The following FHL3 variants were observed in gnomAD, a reference collection of about 807,000 sequenced individuals.
The protein encoded by FHL3 is four and a half LIM domains protein 3.
A neutral mutation model predicts 34.3 loss-of-function variants in FHL3; 21 were observed. The observed-to-expected ratio is 0.61, with a 90% CI of 0.43 to 0.88. The LOEUF (loss-of-function observed/expected upper bound fraction) is 0.88, where lower values mean the gene tolerates loss of function less well. Among genes scored for constraint, FHL3 ranks in the 40% least tolerant of loss-of-function variants. The pLI, the probability that FHL3 is intolerant of heterozygous loss-of-function variation, is 0.00. For synonymous variants in FHL3, 137 were observed against 144.6 expected (o/e 0.95, Z 0.38); for missense variants, 333 against 373.7 (o/e 0.89, Z 0.90).
chr1:37,998,480 A>AC (rs963972183), intron 3 of FHL3, among the ~76,000 whole-genome samples: 3 of 152,120 alleles, frequency 2.0e-5, no homozygotes, highest in African/African-American at 7.2e-5. Flanking sequence ...CTCACATGGG[A>AC]CCCCACATGT....
intron 1 of FHL3, among the ~76,000 whole-genome samples, chr1:37,999,933 G>A (rs1235078334): frequency 6.6e-6 from 1 of 152,354 alleles, no homozygotes; most frequent in East Asian, 1.9e-4. Flanking sequence ...GGAATGGGCT[G>A]TGCCTGCCCC....
chr1:38,000,127 G>C (rs780146521), intron 1 of FHL3, among the ~76,000 whole-genome samples: 11 of 152,228 alleles, frequency 7.2e-5, no homozygotes, highest in Non-Finnish European at 1.2e-4. Context: ...GTCTTCCCTA[G>C]CTAGACCCTC....
In FHL3 at chr1:37,997,786, C is replaced by T. The variant is rs774905879; in HGVS notation, c.586G>A (p.Ala196Thr). 2 of 1,614,134 alleles carry T rather than the reference C, an allele frequency of 1.2e-6. No individual in the cohort carries two copies. Among genetic ancestry groups the T allele is most frequent in the South Asian group, 2.2e-5 (2 of 91,086 alleles). The change falls in exon 5 of 6, where the codon GCA becomes ACA. Residue 196 changes from alanine (A) to threonine (T), a missense_variant. Transcript: ENST00000373016. This position sits in a 1 kb window ranked among gnomAD's most constrained non-coding sequence, Gnocchi z 4.3. The stretch of plus-strand genomic sequence containing the variant: ...TCCCGGGAGGTGAACTGCTGCCCTG[C>T]CAGGGGCGTCTGGCATCCGGTACAG... Reference protein sequence around the residue: ...LVCTGCQTPLAGQQFTSRDED... With the variant: ...LVCTGCQTPLTGQQFTSRDED...
chr1:38,000,970 AG>A (rs2148731220), intron 1 of FHL3, among the ~76,000 whole-genome samples: 1 of 152,284 alleles, frequency 6.6e-6, no homozygotes, highest in South Asian at 2.1e-4. Flanking sequence ...CTCAAGCTGA[AG>A]GAGAAGTCCT....
Position 38,000,774 on chromosome 1 carries a change from T to C in FHL3, c.-20-1342A>G, listed in dbSNP as rs1646585888. Among the ~76,000 whole-genome samples the C allele has an allele frequency of 2.0e-5, 3 of 152,030 alleles. No homozygotes were observed. The South Asian group carries it at 6.2e-4, about 32-fold the overall frequency. On this transcript the variant is annotated intron_variant, in intron 1 of 5. Transcript: ENST00000373016. ...GAGCTCCCACCCCTGCTCTCCTCCATCATGAAGGCTGCTCTCTAAGGGCTG... is the reference window on the plus strand; with the variant it reads ...GAGCTCCCACCCCTGCTCTCCTCCACCATGAAGGCTGCTCTCTAAGGGCTG...
chr1:38,001,578 TGTCTCTGCCCATACCCC>T (rs1557763774), intron 1 of FHL3, among the ~76,000 whole-genome samples: 12 of 152,256 alleles, frequency 7.9e-5, no homozygotes, highest in Non-Finnish European at 1.5e-4. Flanking sequence ...AAGGCCCACC[TGTCTCTGCCCATACCCC>T]TCTCCCTGCC....
Position 37,999,556 on chromosome 1 carries a change from AG to A in FHL3, c.-20-125del, listed in dbSNP as rs1357646841. ...GGCATAGGAAATGCCAGTTCAGAGT[AG>A]GTGGGGATGGGGAAGGGGTGCTTCT... On this transcript the variant is annotated intron_variant, in intron 1 of 5. Transcript: ENST00000373016. The A allele has an allele frequency of 3.5e-5, 30 of 855,082 alleles. No homozygotes were observed. In the African/African-American group the frequency reaches 4.9e-4, roughly 14 times the overall value. 53.0% of individuals were successfully genotyped at this position (855,082 alleles called of 1,614,324 possible). A position where few individuals can be genotyped will look rare whatever the true frequency, so the allele number is the denominator to read the frequency against.
rs1646541409 is a variant in FHL3, at chr1:37,997,132, A to G, written c.*273T>C. ...GAGCCCTGATTTGGGGAGAGGACTC[A>G]GTCTGGGAACCCAGACTGCAGGGGA... On this transcript the variant is annotated 3_prime_UTR_variant, in exon 6 of 6. Coordinates refer to ENST00000373016, the MANE Select transcript of FHL3 (RefSeq NM_004468.5). This position sits in a 1 kb window ranked among gnomAD's most constrained non-coding sequence, Gnocchi z 4.3. 4.9e-6 allele frequency: 2 copies of G among 407,270 alleles called. No homozygotes were observed. Among genetic ancestry groups the G allele is most frequent in the Admixed American group, 4.2e-5 (1 of 23,792 alleles). 25.2% of individuals were successfully genotyped at this position (407,270 alleles called of 1,614,324 possible).
intron 1 of FHL3, among the ~76,000 whole-genome samples, chr1:38,003,497 G>A (rs929931579): frequency 2.0e-5 from 3 of 152,222 alleles, no homozygotes; most frequent in Non-Finnish European, 2.9e-5. Context: ...CACCAGTGGG[G>A]AAAGTGGTCG....
intron 1 of FHL3, among the ~76,000 whole-genome samples, chr1:38,003,507 G>A (rs561549458): frequency 1.2e-4 from 18 of 152,326 alleles, no homozygotes; most frequent in South Asian, 6.2e-4. Context: ...GAAAGTGGTC[G>A]CTTCAGTCCG....
chr1:37,998,254 G>T, intron 3 of FHL3, 122 bp from the exon 4 acceptor site: 1 of 827,406 alleles, frequency 1.2e-6, no homozygotes, highest in Non-Finnish European at 1.9e-6. Context: ...CCGTGCACAT[G>T]CAGCAAGAAC....
intron 1 of FHL3, among the ~76,000 whole-genome samples, chr1:38,001,346 G>A (rs927343936): frequency 5.3e-5 from 8 of 152,358 alleles, no homozygotes; most frequent in Admixed American, 3.9e-4. Flanking sequence ...GTCCACAGGG[G>A]GTGCCTGGGC....
Position 37,998,141 on chromosome 1 carries a change from AAC to A in FHL3, c.332-11_332-10del. On this transcript the variant is annotated splice_polypyrimidine_tract_variant and intron_variant, in intron 3 of 5. Coordinates refer to ENST00000373016, the MANE Select transcript of FHL3 (RefSeq NM_004468.5). ...TTCCAGCTTCCGGGACCCTGTGGGGAACAGGGGTCCCATTTAGAGGTTGTGTC... is the reference window on the plus strand; with the variant it reads ...TTCCAGCTTCCGGGACCCTGTGGGGAAGGGGTCCCATTTAGAGGTTGTGTC... 1 of 1,613,110 alleles carries A rather than the reference AAC, an allele frequency of 6.2e-7. No homozygotes were observed. Among genetic ancestry groups the A allele is most frequent in the South Asian group, 1.1e-5 (1 of 91,020 alleles).
Position 37,998,204 on chromosome 1 carries a change from A to G in FHL3, c.332-72T>C, listed in dbSNP as rs535892413. On this transcript the variant is annotated intron_variant, in intron 3 of 5. Coordinates refer to ENST00000373016, the MANE Select transcript of FHL3 (RefSeq NM_004468.5). ...GAGGGCCACCCTCTGTAACTTCCCC[A>G]GGAGTCTCCACTCCTCTCTCAGCGT... 2.4e-5 allele frequency: 33 copies of G among 1,398,746 alleles called. No individual in the cohort carries two copies. The East Asian group carries it at 7.1e-4, about 30-fold the overall frequency. 86.6% of individuals were successfully genotyped at this position (1,398,746 alleles called of 1,614,324 possible). A position where few individuals can be genotyped will look rare whatever the true frequency, so the allele number is the denominator to read the frequency against.
At position 38,004,851 on chromosome 1, in the gene FHL3, T is replaced by C. The variant is rs115560507; in HGVS notation, c.-21+506A>G. Reference sequence around the variant, plus strand: ...GCCCGGGGAAGGGCCCTAGGGAATGTGTTCGCTGGGGTCCCACGTATGCTT... The same window carrying C: ...GCCCGGGGAAGGGCCCTAGGGAATGCGTTCGCTGGGGTCCCACGTATGCTT... On this transcript the variant is annotated intron_variant, in intron 1 of 5. Transcript: ENST00000373016. Among the ~76,000 whole-genome samples, 1,312 of 152,252 alleles carry C rather than the reference T, an allele frequency of 8.6e-3. 20 individuals carry two copies. Among genetic ancestry groups the C allele is most frequent in the African/African-American group, 0.03 (1,242 of 41,546 alleles).
chr1:38,002,617 T>A (rs1250018881), intron 1 of FHL3, among the ~76,000 whole-genome samples: 1 of 145,722 alleles, frequency 6.9e-6, no homozygotes, highest in Non-Finnish European at 1.5e-5. Flanking sequence ...CTCGGCTCAC[T>A]GCAATCTCCA....
intron 1 of FHL3, among the ~76,000 whole-genome samples, chr1:37,999,729 T>A (rs1031189970): frequency 2.6e-5 from 4 of 152,154 alleles, no homozygotes; most frequent in African/African-American, 9.7e-5. Flanking sequence ...CAGTGACTCA[T>A]TTCCTGTCCC....
Position 37,999,273 on chromosome 1 carries a change from A to T in FHL3, c.140T>A (p.Ile47Asn). Residue 47 changes from isoleucine to asparagine, a missense_variant, in exon 2 of 6, where the codon ATC becomes AAC. By Grantham distance (149) the Ile-to-Asn change is moderately radical (BLOSUM62 -3). Coordinates refer to ENST00000373016, the MANE Select transcript of FHL3 (RefSeq NM_004468.5). ...TCTCCTTACCCTCGAGTCATGCCCG[A>T]TAAGCTGCTGGCACTCAGCACAGGT... ...ANTCAECQQL[I>N]GHDSRELFYE... The T allele has an allele frequency of 6.2e-7, 1 of 1,614,154 alleles. No homozygotes were observed. The highest frequency in any genetic ancestry group is 8.5e-7 in the Non-Finnish European group (1 of 1,180,026).
At chr1:37,999,466 C>A (rs1419552514) in intron 1 of FHL3, 34 bp from the exon 2 acceptor site, 2 of 1,600,090 alleles carry the variant, frequency 1.2e-6, no homozygotes, top group African/African-American at 1.3e-5. Context: ...TGGGGTCACA[C>A]AGAGAGGCTG....
Sources: gnomAD v4.1 joint callset for allele counts (sites outside exome capture counted in the v4.1 genomes callset) on GRCh38, gnomAD v4.1.1 for gene constraint, Gnocchi (gnomAD v3.1) non-coding constraint, MANE v1.5 for transcripts, NCBI Gene and HGNC (gene_info 2026-07-23, HGNC 2026-07-21) for gene names.